The following NBEA variants were observed in gnomAD, a reference collection of about 807,000 sequenced individuals.
NBEA encodes the protein lysosomal-trafficking regulator 2.
In NBEA, 44 loss-of-function variants were observed where a neutral mutation model predicts 343.4. That is an observed-to-expected ratio of 0.13 (90% CI 0.10 to 0.16). The LOEUF (loss-of-function observed/expected upper bound fraction) is 0.16. Among genes scored for constraint, NBEA ranks in the 10% least tolerant of loss-of-function variants. NBEA has a pLI of 1.00. For missense variants in NBEA, 2,555 were observed against 3,631.3 expected, an observed-to-expected ratio of 0.70 and a Z score of 7.62; for synonymous variants, 1,175 against 1,238.7, an observed-to-expected ratio of 0.95 and a Z score of 1.08.
chr13:35,664,174 A>T (rs2153086441), intron 55 of NBEA, among the ~76,000 whole-genome samples: 1 of 152,318 alleles, frequency 6.6e-6, no homozygotes, highest in South Asian at 2.1e-4. Flanking sequence ...CATAAGTGCC[A>T]AAGAAGGGGC....
intron 41 of NBEA, among the ~76,000 whole-genome samples, chr13:35,503,679 G>A (rs1282336286): frequency 3.9e-5 from 6 of 151,910 alleles, no homozygotes; most frequent in Admixed American, 6.6e-5. Flanking sequence ...TGTTTTTGAG[G>A]CATCTATACA....
intron 41 of NBEA, among the ~76,000 whole-genome samples, chr13:35,484,023 A>G (rs770726696): frequency 1.3e-5 from 2 of 152,084 alleles, no homozygotes; most frequent in Non-Finnish European, 1.5e-5. Flanking sequence ...AGTTTGTCTC[A>G]TAATAACCCT....
At chr13:35,547,515 A>C (rs1266593044) in intron 41 of NBEA, among the ~76,000 whole-genome samples, 1 of 152,170 alleles carries the variant, frequency 6.6e-6, no homozygotes, top group Non-Finnish European at 1.5e-5. Context: ...TAGATAGGAA[A>C]AGTGTGATAC....
In NBEA at chr13:35,606,415, A is replaced by G; in HGVS notation, c.7297-11A>G. 2 of 1,414,984 alleles carry G rather than the reference A, an allele frequency of 1.4e-6. No homozygotes were observed. Among genetic ancestry groups the G allele is most frequent in the Non-Finnish European group, 1.9e-6 (2 of 1,068,600 alleles). 87.7% of individuals were successfully genotyped at this position (1,414,984 alleles called of 1,614,324 possible). On this transcript the variant is annotated splice_polypyrimidine_tract_variant and intron_variant, in intron 47 of 58. Transcript: ENST00000379939. ...AAGTGGTTTAATATGCTTCATTTTT[A>G]TTCCTGATAGGAACTAATTCCAGAG...
chr13:35,221,160 A>G (rs1166738792), intron 33 of NBEA, among the ~76,000 whole-genome samples: 1 of 152,106 alleles, frequency 6.6e-6, no homozygotes, highest in Non-Finnish European at 1.5e-5. Context: ...CCTGACCTTC[A>G]TAGTGAAACC....
rs753973059 is a variant in NBEA at position 35,667,546 on chromosome 13, A to G, written c.8637A>G (p.Gln2879=). Residue 2879 remains glutamine, a synonymous_variant, in exon 57 of 59, where the codon CAA becomes CAG. Coordinates refer to ENST00000379939, the MANE Select transcript of NBEA (RefSeq NM_001385012.1). ...GCATTAATGGGAAACTTTTGGCTCAAATGGAGATCAATGATTCAACACGGG... is the reference window on the plus strand; with the variant it reads ...GCATTAATGGGAAACTTTTGGCTCAGATGGAGATCAATGATTCAACACGGG... The part of the protein sequence containing the change: ...NFSINGKLLA[Q]MEINDSTRAI... 41 of 1,613,884 alleles carry G rather than the reference A, an allele frequency of 2.5e-5. No homozygotes were observed. Among genetic ancestry groups the G allele is most frequent in the Non-Finnish European group, 5.1e-6 (6 of 1,179,868 alleles).
chr13:35,233,118 CA>C (rs1209359612), intron 34 of NBEA, among the ~76,000 whole-genome samples: 1 of 151,938 alleles, frequency 6.6e-6, no homozygotes, highest in Non-Finnish European at 1.5e-5. Flanking sequence ...AGTAAGGAGG[CA>C]AAGGAGAAAA....
At chr13:35,618,828 T>A (rs1053938253) in intron 48 of NBEA, among the ~76,000 whole-genome samples, 1 of 152,062 alleles carries the variant, frequency 6.6e-6, no homozygotes, top group Non-Finnish European at 1.5e-5. Flanking sequence ...TTTTAAAAAT[T>A]TGTTTTAGAA....
At chr13:35,105,838 T>C (rs2065894912) in intron 11 of NBEA, among the ~76,000 whole-genome samples, 1 of 152,026 alleles carries the variant, frequency 6.6e-6, no homozygotes, top group Non-Finnish European at 1.5e-5. Flanking sequence ...TTACACAATT[T>C]ATTGAATATA....
rs73498988 is a variant in NBEA, at chr13:35,593,514, T to G, written c.7296+67T>G. On this transcript the variant is annotated intron_variant, in intron 47 of 58. Coordinates refer to ENST00000379939, the MANE Select transcript of NBEA (RefSeq NM_001385012.1). ...ATGTGGAAATTTTGATTTTTTTAAG[T>G]GGGTATGTATAAGACATTTTATATT... The G allele has an allele frequency of 6.6e-3, 8,668 of 1,316,290 alleles. 487 individuals carry two copies. The African/African-American group carries it at 0.11, about 17-fold the overall frequency. 81.5% of individuals were successfully genotyped at this position (1,316,290 alleles called of 1,614,324 possible). A position where few individuals can be genotyped will look rare whatever the true frequency, so the allele number is the denominator to read the frequency against.
At position 34,942,871 on chromosome 13, in the gene NBEA, G is replaced by A; in HGVS notation, c.51G>A (p.Val17=). ...GPGPGLEPQP[V]GLIAVGAAGG... is the part of the protein sequence containing the mutation. ...GCCCGGGGCTCGAGCCTCAGCCCGT[G>A]GGGCTCATTGCCGTCGGGGCCGCTG... Residue 17 remains valine (V), a synonymous_variant, in exon 1 of 59, where the codon GTG becomes GTA. Transcript: ENST00000379939. The A allele has an allele frequency of 7.1e-7, 1 of 1,417,098 alleles. No individual in the cohort carries two copies. The highest frequency in any genetic ancestry group is 9.3e-7 in the Non-Finnish European group (1 of 1,075,876). The allele number at this position is 1,417,098 out of a possible 1,614,324, so 87.8% of individuals were successfully genotyped here. A position where few individuals can be genotyped will look rare whatever the true frequency, so the allele number is the denominator to read the frequency against.
intron 41 of NBEA, chr13:35,476,302 GCTGCTGC>G: frequency 3.3e-5 from 14 of 429,424 alleles, no homozygotes; most frequent in African/African-American, 1.8e-4. Flanking sequence ...TTTCCCTGCT[GCTGCTGC>G]TGCTGCTGCT....
intron 40 of NBEA, among the ~76,000 whole-genome samples, chr13:35,454,857 C>T (rs996787214): frequency 6.6e-6 from 1 of 151,484 alleles, no homozygotes; most frequent in Non-Finnish European, 1.5e-5. Flanking sequence ...GAGACTCCGT[C>T]TCAACAAAAT....
At chr13:35,017,114 A>G (rs2061684944) in intron 1 of NBEA, among the ~76,000 whole-genome samples, 2 of 152,162 alleles carry the variant, frequency 1.3e-5, no homozygotes, top group Non-Finnish European at 2.9e-5. Context: ...CATCTGCCGC[A>G]GTGGGAAGGG....
intron 36 of NBEA, among the ~76,000 whole-genome samples, chr13:35,316,220 T>C (rs971245390): frequency 2.0e-5 from 3 of 152,124 alleles, no homozygotes; most frequent in African/African-American, 4.8e-5. Flanking sequence ...CTACCCGTCA[T>C]CCACATTAGG....
Position 35,606,584 on chromosome 13 carries a change from A to G in NBEA, c.7449+6A>G. On this transcript the variant is annotated splice_donor_region_variant and intron_variant, in intron 48 of 58. Transcript: ENST00000379939. ...TTGTGCGGATCAACAGGATGGTAAG[A>G]GAGATTTTGCTTTTGCTTGGGCAGT... 6.3e-7 allele frequency: 1 copy of G among 1,588,588 alleles called. No individual in the cohort carries two copies. The highest frequency in any genetic ancestry group is 1.1e-5 in the South Asian group (1 of 87,096).
chr13:35,375,995 G>T (rs1179231764), intron 38 of NBEA, among the ~76,000 whole-genome samples: 4 of 152,066 alleles, frequency 2.6e-5, no homozygotes, highest in Non-Finnish European at 5.9e-5. Flanking sequence ...GGATACAGTT[G>T]TCAGGGACTA....
At chr13:34,952,691 A>C (rs2059384636) in intron 1 of NBEA, among the ~76,000 whole-genome samples, 1 of 152,202 alleles carries the variant, frequency 6.6e-6, no homozygotes, top group African/African-American at 2.4e-5. Context: ...GTTTATGAAG[A>C]TAGAGCAAAC....
At chr13:34,976,162 T>C (rs941550925) in intron 1 of NBEA, among the ~76,000 whole-genome samples, 7 of 152,132 alleles carry the variant, frequency 4.6e-5, no homozygotes, top group African/African-American at 1.7e-4. Context: ...TGCAAAAATA[T>C]GGAATCCTCC....
Sources: gnomAD v4.1 joint callset for allele counts (sites outside exome capture counted in the v4.1 genomes callset) on GRCh38, gnomAD v4.1.1 for gene constraint, MANE v1.5 for transcripts, NCBI Gene and HGNC (gene_info 2026-07-23, HGNC 2026-07-21) for gene names.